Variants in ZSCAN5A observed in about 807,000 individuals in gnomAD.
The protein encoded by ZSCAN5A is zinc finger and SCAN domain-containing protein 5A.
Under a neutral mutation model 23.7 loss-of-function variants are expected in ZSCAN5A, and 12 were observed. The observed-to-expected ratio is 0.51, with a 90% CI of 0.32 to 0.82. The LOEUF (loss-of-function observed/expected upper bound fraction) is 0.82. Among genes scored for constraint, ZSCAN5A ranks in the 40% least tolerant of loss-of-function variants. The probability of loss-of-function intolerance (pLI) is 0.03; values close to 1 mark genes in which losing one functional copy is unlikely to be tolerated. For missense variants in ZSCAN5A, 597 were observed against 617.9 expected (o/e 0.97, Z 0.36); for synonymous variants, 257 against 239.9 (o/e 1.07, Z -0.66).
intron 2 of ZSCAN5A, chr19:56,321,238 C>T: frequency 1.5e-6 from 1 of 671,380 alleles, no homozygotes; most frequent in Admixed American, 2.0e-5. Context: ...TGTGTAATAT[C>T]AGTTGGGGTA....
intron 2 of ZSCAN5A, among the ~76,000 whole-genome samples, chr19:56,233,354 T>C (rs1158433419): frequency 1.3e-5 from 2 of 152,114 alleles, no homozygotes; most frequent in Admixed American, 6.5e-5. Flanking sequence ...GTCCACGTTT[T>C]GTCTTTGAAA....
At chr19:56,301,089 C>A (rs2040198280) in intron 2 of ZSCAN5A, among the ~76,000 whole-genome samples, 1 of 152,016 alleles carries the variant, frequency 6.6e-6, no homozygotes, top group Non-Finnish European at 1.5e-5. Flanking sequence ...CCGATCAAGA[C>A]CCCCAGAGAG....
At chr19:56,247,907 G>C (rs2036061238) in intron 2 of ZSCAN5A, among the ~76,000 whole-genome samples, 1 of 152,090 alleles carries the variant, frequency 6.6e-6, no homozygotes. Flanking sequence ...AGCCAGGATG[G>C]TCTCGATCTC....
intron 2 of ZSCAN5A, among the ~76,000 whole-genome samples, chr19:56,267,403 G>T (rs1275330302): frequency 1.3e-5 from 2 of 152,084 alleles, no homozygotes; most frequent in African/African-American, 4.8e-5. Context: ...AAGGCTGAGA[G>T]GCGCTTAGTA....
intron 2 of ZSCAN5A, chr19:56,354,562 T>C (rs2147463198): frequency 6.6e-6 from 1 of 152,312 alleles, no homozygotes; most frequent in Non-Finnish European, 1.5e-5. Context: ...TCTTTTTTAT[T>C]CAGGAAGCTT....
At chr19:56,265,678 G>GA (rs1050529615) in intron 2 of ZSCAN5A, among the ~76,000 whole-genome samples, 39 of 152,162 alleles carry the variant, frequency 2.6e-4, no homozygotes, top group African/African-American at 9.4e-4. Flanking sequence ...GTGGGTTTGG[G>GA]AAAGAGTGAA....
intron 2 of ZSCAN5A, chr19:56,338,750 G>A (rs1319369520): frequency 6.6e-6 from 1 of 152,240 alleles, no homozygotes; most frequent in African/African-American, 2.4e-5. Flanking sequence ...ACAACAGAAT[G>A]AGATTTTAGG....
At chr19:56,321,219 C>G (rs1458142045) in intron 2 of ZSCAN5A, 9 of 670,010 alleles carry the variant, frequency 1.3e-5, no homozygotes, top group South Asian at 1.3e-4. Flanking sequence ...TTCTGAAGGA[C>G]TTGGATGGTG....
At chr19:56,321,763 A>C in intron 2 of ZSCAN5A, 1 of 1,262,610 alleles carries the variant, frequency 7.9e-7, no homozygotes, top group South Asian at 1.2e-5. Flanking sequence ...TACTTCCTGC[A>C]ACCAAATCAT....
At chr19:56,238,628 C>G (rs1207623570) in intron 2 of ZSCAN5A, among the ~76,000 whole-genome samples, 1 of 152,000 alleles carries the variant, frequency 6.6e-6, no homozygotes, top group Non-Finnish European at 1.5e-5. Flanking sequence ...GAGACCTTGG[C>G]TCTAAAAATA....
chr19:56,286,929 C>G (rs953108210), intron 2 of ZSCAN5A, among the ~76,000 whole-genome samples: 4 of 152,252 alleles, frequency 2.6e-5, no homozygotes, highest in Non-Finnish European at 4.4e-5. Flanking sequence ...ACACACCACC[C>G]AGGACAAGTC....
chr19:56,318,659 A>C (rs755305970), upstream of ZSCAN5A, among the ~76,000 whole-genome samples: 1 of 152,240 alleles, frequency 6.6e-6, no homozygotes, highest in Non-Finnish European at 1.5e-5. Flanking sequence ...TTACAGATAC[A>C]TAAGAGAAAA....
intron 2 of ZSCAN5A, among the ~76,000 whole-genome samples, chr19:56,253,059 G>T (rs1340384131): frequency 1.3e-5 from 2 of 152,234 alleles, no homozygotes; most frequent in African/African-American, 4.8e-5. Context: ...GTGATTGCAG[G>T]GCCGGCACTG....
At chr19:56,321,915 G>T in intron 2 of ZSCAN5A, 1 of 782,662 alleles carries the variant, frequency 1.3e-6, no homozygotes, top group Non-Finnish European at 2.4e-6. Flanking sequence ...ATCCGGTACT[G>T]CTCAATATCC....
At chr19:56,278,841 G>A (rs2038460256) in intron 2 of ZSCAN5A, among the ~76,000 whole-genome samples, 1 of 152,166 alleles carries the variant, frequency 6.6e-6, no homozygotes, top group African/African-American at 2.4e-5. Flanking sequence ...TCCAAAGCCA[G>A]GAGAAGGGCA....
chr19:56,286,699 T>G (rs2147114568), intron 2 of ZSCAN5A: 1 of 152,354 alleles, frequency 6.6e-6, no homozygotes, highest in African/African-American at 2.4e-5. Context: ...AGTGCCATTT[T>G]GAGAATTTCT....
chr19:56,239,524 C>G (rs1339979583), intron 2 of ZSCAN5A, among the ~76,000 whole-genome samples: 1 of 152,200 alleles, frequency 6.6e-6, no homozygotes, highest in African/African-American at 2.4e-5. Flanking sequence ...TCTCACCGTC[C>G]TGGAGTGAGT....
At chr19:56,364,242 G>A (rs1254058956) in intron 1 of ZSCAN5A, among the ~76,000 whole-genome samples, 3 of 152,194 alleles carry the variant, frequency 2.0e-5, no homozygotes, top group Admixed American at 2.0e-4. Flanking sequence ...AAAGCTCAGT[G>A]GTCCTCTGCA....
At chr19:56,341,197 AG>A (rs1304736894) in intron 2 of ZSCAN5A, 2 of 152,250 alleles carry the variant, frequency 1.3e-5, no homozygotes, top group African/African-American at 4.8e-5. Context: ...TAAGGCATGA[AG>A]AAAAGATTAG....
Sources: allele counts gnomAD v4.1 joint callset (sites outside exome capture counted in the v4.1 genomes callset), GRCh38; gene constraint gnomAD v4.1.1; transcripts MANE v1.5; gene names NCBI Gene and HGNC (gene_info 2026-07-23, HGNC 2026-07-21).